Variants in NRXN3 observed in about 807,000 individuals in gnomAD.
The protein encoded by NRXN3 is neurexin III.
Under a neutral mutation model 137.6 loss-of-function variants are expected in NRXN3, and 32 were observed. That is an observed-to-expected ratio of 0.23 (90% CI 0.18 to 0.31). NRXN3 has a LOEUF of 0.31. NRXN3 is among the 10% of genes least tolerant of loss of function. NRXN3 has a pLI of 1.00. For synonymous variants in NRXN3, 798 were observed against 784.5 expected (o/e 1.02, Z -0.29); for missense variants, 1,574 against 2,062.5 (o/e 0.76, Z 4.59).
chr14:79,389,170 G>T (rs1018202939), intron 15 of NRXN3, among the ~76,000 whole-genome samples: 10 of 152,146 alleles, frequency 6.6e-5, no homozygotes, highest in Non-Finnish European at 1.3e-4. Context: ...AGTTTTTTCT[G>T]TGCTGCTATA....
intron 19 of NRXN3, among the ~76,000 whole-genome samples, chr14:79,699,069 T>C (rs553920493): frequency 1.3e-5 from 2 of 152,136 alleles, no homozygotes; most frequent in East Asian, 1.9e-4. Context: ...TTTGGAGTTA[T>C]ATATGCTGAC....
At chr14:79,395,982 A>G (rs2095012018) in intron 15 of NRXN3, among the ~76,000 whole-genome samples, 1 of 152,208 alleles carries the variant, frequency 6.6e-6, no homozygotes, top group African/African-American at 2.4e-5. Context: ...TTACACACAT[A>G]TATGTACAAA....
chr14:78,581,093 A>G (rs2096990221), intron 4 of NRXN3, among the ~76,000 whole-genome samples: 1 of 152,202 alleles, frequency 6.6e-6, no homozygotes, highest in East Asian at 1.9e-4. Context: ...AATTCAATGC[A>G]TTTTTAAAGT....
chr14:79,288,714 T>C (rs1209622852), intron 15 of NRXN3, among the ~76,000 whole-genome samples: 3 of 152,178 alleles, frequency 2.0e-5, no homozygotes, highest in Admixed American at 6.5e-5. Context: ...TTGTCAGGAA[T>C]CAAGTACACA....
chr14:78,427,223 T>C (rs185133309), intron 4 of NRXN3, among the ~76,000 whole-genome samples: 4 of 152,322 alleles, frequency 2.6e-5, no homozygotes, highest in Admixed American at 2.6e-4. Context: ...ACTTTCTTTT[T>C]TCTCAACTTC....
chr14:79,734,467 T>A (rs2098935074), intron 19 of NRXN3, among the ~76,000 whole-genome samples: 1 of 152,208 alleles, frequency 6.6e-6, no homozygotes, highest in Non-Finnish European at 1.5e-5. Context: ...TTTTTGTATA[T>A]TCAAGATTTG....
chr14:79,801,557 C>T (rs967176084), intron 19 of NRXN3, among the ~76,000 whole-genome samples: 1 of 152,222 alleles, frequency 6.6e-6, no homozygotes, highest in African/African-American at 2.4e-5. Flanking sequence ...CACGCACACA[C>T]ACACATCCCA....
intron 16 of NRXN3, among the ~76,000 whole-genome samples, chr14:79,639,463 T>G (rs1402610793): frequency 6.6e-6 from 1 of 152,194 alleles, no homozygotes; most frequent in Non-Finnish European, 1.5e-5. Context: ...AGTTGAGTAC[T>G]AATGTGGCTT....
At chr14:79,593,957 T>C (rs2097836774) in intron 16 of NRXN3, among the ~76,000 whole-genome samples, 1 of 152,200 alleles carries the variant, frequency 6.6e-6, no homozygotes, top group African/African-American at 2.4e-5. Flanking sequence ...CAGATACACT[T>C]AACATTATAA....
chr14:79,692,768 AT>A (rs542816304), intron 18 of NRXN3, among the ~76,000 whole-genome samples: 13 of 151,190 alleles, frequency 8.6e-5, no homozygotes, highest in South Asian at 2.1e-4. Context: ...TAAGGGGAGC[AT>A]TTTTTTTTAA....
intron 4 of NRXN3, among the ~76,000 whole-genome samples, chr14:78,379,054 C>A (rs910772287): frequency 2.7e-5 from 4 of 150,106 alleles, no homozygotes; most frequent in Non-Finnish European, 5.9e-5. Flanking sequence ...AAAAAAAAAT[C>A]TACCGCAACT....
chr14:78,591,606 CCA>C (rs1676835486), intron 4 of NRXN3, among the ~76,000 whole-genome samples: 1 of 152,036 alleles, frequency 6.6e-6, no homozygotes, highest in Non-Finnish European at 1.5e-5. Context: ...TGTTACAGTC[CCA>C]CAGAGAATTT....
chr14:79,599,221 T>C (rs954681187), intron 16 of NRXN3, among the ~76,000 whole-genome samples: 1 of 152,214 alleles, frequency 6.6e-6, no homozygotes, highest in Admixed American at 6.5e-5. Flanking sequence ...CCCCTTTATA[T>C]CTCAGGATGA....
At chr14:79,491,763 A>C (rs1013142368) in intron 16 of NRXN3, among the ~76,000 whole-genome samples, 2 of 152,166 alleles carry the variant, frequency 1.3e-5, no homozygotes, top group African/African-American at 2.4e-5. Flanking sequence ...AGAATATGTA[A>C]TTTGGTTTAG....
At chr14:79,748,050 G>T (rs138251923) in intron 19 of NRXN3, among the ~76,000 whole-genome samples, 27 of 152,014 alleles carry the variant, frequency 1.8e-4, no homozygotes, top group Admixed American at 5.9e-4. Flanking sequence ...CTGTCGGGGA[G>T]GGGGAGGGAG....
chr14:78,170,958 T>C (rs1372080543), intron 1 of NRXN3, among the ~76,000 whole-genome samples: 11 of 151,092 alleles, frequency 7.3e-5, no homozygotes, highest in East Asian at 1.9e-4. Flanking sequence ...TCTTCTTTTT[T>C]TTTTTTTTTT....
chr14:78,463,203 T>C (rs2094978319), intron 4 of NRXN3, among the ~76,000 whole-genome samples: 1 of 152,132 alleles, frequency 6.6e-6, no homozygotes, highest in Non-Finnish European at 1.5e-5. Context: ...CTGAGTAATA[T>C]TTCATAGTGT....
At chr14:78,481,271 C>A (rs1465082022) in intron 4 of NRXN3, among the ~76,000 whole-genome samples, 1 of 152,160 alleles carries the variant, frequency 6.6e-6, no homozygotes, top group Non-Finnish European at 1.5e-5. Flanking sequence ...CAAAATGAGT[C>A]TTAACTGATT....
At chr14:79,621,307 C>A (rs536854586) in intron 16 of NRXN3, among the ~76,000 whole-genome samples, 1 of 152,178 alleles carries the variant, frequency 6.6e-6, no homozygotes, top group South Asian at 2.1e-4. Context: ...AAGATGCAAC[C>A]CTCAATTTCA....
Sources: allele counts gnomAD v4.1 joint callset (sites outside exome capture counted in the v4.1 genomes callset), GRCh38; gene constraint gnomAD v4.1.1; transcripts MANE v1.5; gene names NCBI Gene and HGNC (gene_info 2026-07-23, HGNC 2026-07-21).